Variants in OR8B8 observed in about 807,000 individuals in gnomAD.
The protein encoded by OR8B8 is olfactory receptor 8B8.
OR8B8 carries 8 observed loss-of-function variants against 10.5 expected under a neutral mutation model. That is an observed-to-expected ratio of 0.76 (90% CI 0.45 to 1.38). OR8B8 has a LOEUF of 1.38. Ranked by LOEUF, OR8B8 falls within the 40% of genes most tolerant of loss-of-function variation. The probability of loss-of-function intolerance (pLI) is 0.00; values close to 1 mark genes in which losing one functional copy is unlikely to be tolerated. For missense variants in OR8B8, 390 were observed against 380.5 expected (o/e 1.03, Z -0.21); for synonymous variants, 150 against 145.2 (o/e 1.03, Z -0.24).
At position 124,440,141 on chromosome 11, in the gene OR8B8, G is replaced by A. The variant is rs779302983; in HGVS notation, c.*9C>T. On this transcript the variant is annotated 3_prime_UTR_variant, in exon 3 of 3. Coordinates refer to ENST00000642064, the MANE Select transcript of OR8B8 (RefSeq NM_012378.2). ...AAACAGTGTTTCTTTCCTGAGCATTGCCCTTTTCTCAGGAGAATGCATTTT... is the reference window on the plus strand; with the variant it reads ...AAACAGTGTTTCTTTCCTGAGCATTACCCTTTTCTCAGGAGAATGCATTTT... 34 of 1,599,974 alleles carry A rather than the reference G, an allele frequency of 2.1e-5. No individual in the cohort carries two copies. Among genetic ancestry groups the A allele is most frequent in the Non-Finnish European group, 2.9e-5 (34 of 1,169,594 alleles).
rs1348230432 is a variant in OR8B8 at position 124,437,667 on chromosome 11, T to TGTGTGTGCGCGCGCGCGCGC, written c.*2482_*2483insGCGCGCGCGCGCGCACACAC. The TGTGTGTGCGCGCGCGCGCGC allele has an allele frequency of 9.0e-6, 1 of 110,516 alleles. No homozygotes were observed. Among genetic ancestry groups the TGTGTGTGCGCGCGCGCGCGC allele is most frequent in the African/African-American group, 4.7e-5 (1 of 21,450 alleles). The allele number at this position is 110,516 out of a possible 1,614,324, so 6.8% of individuals were successfully genotyped here. On this transcript the variant is annotated 3_prime_UTR_variant, in exon 3 of 3. Coordinates refer to ENST00000642064, the MANE Select transcript of OR8B8 (RefSeq NM_012378.2). ...GTGTGTGTGTGTGTGTGTGTGTGTG[T>TGTGTGTGCGCGCGCGCGCGC]GCGCGCGCGCGTGCGTGCGTGCTGG...
rs978616209 is a variant in OR8B8 at position 124,439,261 on chromosome 11, C to T, written c.*889G>A. The stretch of plus-strand genomic sequence containing the variant: ...GTTGTTGTTGTTGTTTAGATGGAGT[C>T]TTGCTCCATTGCCCAGGCTGGAGTG... On this transcript the variant is annotated 3_prime_UTR_variant, in exon 3 of 3. Coordinates refer to ENST00000642064, the MANE Select transcript of OR8B8 (RefSeq NM_012378.2). 1 of 152,382 alleles carries T rather than the reference C, an allele frequency of 6.6e-6. No individual in the cohort carries two copies. The highest frequency in any genetic ancestry group is 6.5e-5 in the Admixed American group (1 of 15,292). 9.4% of individuals were successfully genotyped at this position (152,382 alleles called of 1,614,324 possible). A position where few individuals can be genotyped will look rare whatever the true frequency, so the allele number is the denominator to read the frequency against.
In OR8B8 at chr11:124,441,046, G is replaced by A. The variant is rs751641312; in HGVS notation, c.40C>T (p.Leu14Phe). ...CCCGGTTGGTCAGTTAAGCCTGCGA[G>A]GATAAACTGTGTCACGAAGGAGGAA... is the stretch of plus-strand genomic sequence containing the variant. ...ENSSFVTQFILAGLTDQPGVQ... is the reference protein window; with the variant it reads ...ENSSFVTQFIFAGLTDQPGVQ... Residue 14 changes from leucine to phenylalanine, a missense_variant, in exon 3 of 3, where the codon CTC (leucine) becomes TTC (phenylalanine). Coordinates refer to ENST00000642064, the MANE Select transcript of OR8B8 (RefSeq NM_012378.2). 3.7e-6 allele frequency: 6 copies of A among 1,612,970 alleles called. No homozygotes were observed. In the South Asian group the frequency reaches 4.4e-5, roughly 12 times the overall value.
Position 124,440,955 on chromosome 11 carries a change from C to G in OR8B8, c.131G>C (p.Gly44Ala). 1.2e-6 allele frequency: 2 copies of G among 1,614,024 alleles called. No individual in the cohort carries two copies. Among genetic ancestry groups the G allele is most frequent in the Non-Finnish European group, 1.7e-6 (2 of 1,179,998 alleles). The change falls in exon 3 of 3, where the codon GGC becomes GCC. Residue 44 changes from glycine (G) to alanine (A), a missense_variant. Physicochemically the swap from Gly to Ala is moderately conservative, Grantham distance 60. Transcript: ENST00000642064. ...FYVVTVVGNL[G>A]LITLIRLNSH... Reference sequence around the variant, plus strand: ...GTTGAGCCTTATCAGGGTTATCAAGCCCAGGTTCCCCACCACAGTGACCAC... The same window carrying G: ...GTTGAGCCTTATCAGGGTTATCAAGGCCAGGTTCCCCACCACAGTGACCAC...
Position 124,441,066 on chromosome 11 carries a change from G to C in OR8B8, c.20C>G (p.Ser7Cys). 6.2e-7 allele frequency: 1 copy of C among 1,611,304 alleles called. No individual in the cohort carries two copies. The highest frequency in any genetic ancestry group is 1.3e-5 in the African/African-American group (1 of 75,018). Residue 7 changes from serine (S) to cysteine (C), a missense_variant, in exon 3 of 3, where the codon TCC becomes TGC. By Grantham distance (112) the Ser-to-Cys change is moderately radical. Transcript: ENST00000642064. Reference sequence around the variant, plus strand: ...TGCGAGGATAAACTGTGTCACGAAGGAGGAATTCTCAGCAGCCATTGTCAT... The same window carrying C: ...TGCGAGGATAAACTGTGTCACGAAGCAGGAATTCTCAGCAGCCATTGTCAT... MAAENS[S>C]FVTQFILAGL...
At position 124,437,692 on chromosome 11, in the gene OR8B8, G is replaced by A. The variant is rs938862989; in HGVS notation, c.*2458C>T. ...TGCGCGCGCGCGTGCGTGCGTGCTG[G>A]GATTACAGGCGTGAGCCACCGCACC... On this transcript the variant is annotated 3_prime_UTR_variant, in exon 3 of 3. Coordinates refer to ENST00000642064, the MANE Select transcript of OR8B8 (RefSeq NM_012378.2). 5.9e-5 allele frequency: 9 copies of A among 152,436 alleles called. No individual in the cohort carries two copies. Among genetic ancestry groups the A allele is most frequent in the Non-Finnish European group, 1.3e-4 (9 of 69,094 alleles). The allele number at this position is 152,436 out of a possible 1,614,324, so 9.4% of individuals were successfully genotyped here.
Position 124,440,008 on chromosome 11 carries a change from A to G in OR8B8, c.*142T>C, listed in dbSNP as rs1481420393. 6 of 651,444 alleles carry G rather than the reference A, an allele frequency of 9.2e-6. No individual in the cohort carries two copies. Among genetic ancestry groups the G allele is most frequent in the African/African-American group, 1.8e-5 (1 of 54,760 alleles). The allele number at this position is 651,444 out of a possible 1,614,324, so 40.4% of individuals were successfully genotyped here. Reference sequence around the variant, plus strand: ...TACTGTGTGAGTATTCAAAGCTCTTAAGAATGTTTGTAAATTAAAGAACCC... The same window carrying G: ...TACTGTGTGAGTATTCAAAGCTCTTGAGAATGTTTGTAAATTAAAGAACCC... On this transcript the variant is annotated 3_prime_UTR_variant, in exon 3 of 3. Coordinates refer to ENST00000642064, the MANE Select transcript of OR8B8 (RefSeq NM_012378.2).
chr11:124,444,257 C>T (rs1040782401), intron 1 of OR8B8, among the ~76,000 whole-genome samples: 3 of 152,212 alleles, frequency 2.0e-5, no homozygotes, highest in African/African-American at 4.8e-5. Context: ...TGGGAGGAAG[C>T]ATCCTCACCC....
intron 1 of OR8B8, among the ~76,000 whole-genome samples, chr11:124,441,947 G>A (rs975429330): frequency 2.6e-5 from 4 of 152,090 alleles, no homozygotes; most frequent in Non-Finnish European, 4.4e-5. Flanking sequence ...TATTTGAATG[G>A]GCTTTTAGAA....
rs1456485751 is a variant in OR8B8 at position 124,440,151 on chromosome 11, C to T, written c.935G>A (p.Ter312=). 8.7e-6 allele frequency: 14 copies of T among 1,609,468 alleles called. No individual in the cohort carries two copies. Among genetic ancestry groups the T allele is most frequent in the African/African-American group, 2.7e-5 (2 of 74,638 alleles). Residue 312 remains the stop codon, a stop_retained_variant, in exon 3 of 3, where the codon TGA becomes TAA. Transcript: ENST00000642064. ...TCTTTCCTGAGCATTGCCCTTTTCT[C>T]AGGAGAATGCATTTTTGTTCAAGAT... is the stretch of plus-strand genomic sequence containing the variant. The part of the protein sequence containing the change: ...KKILNKNAFS[*]
chr11:124,444,935 G>T (rs1452439401), intron 1 of OR8B8, among the ~76,000 whole-genome samples: 1 of 152,110 alleles, frequency 6.6e-6, no homozygotes, highest in Non-Finnish European at 1.5e-5. Flanking sequence ...AAACTTTAAG[G>T]CCTGTCTCTC....
Position 124,439,995 on chromosome 11 carries a change from A to T in OR8B8, c.*155T>A. On this transcript the variant is annotated 3_prime_UTR_variant, in exon 3 of 3. Coordinates refer to ENST00000642064, the MANE Select transcript of OR8B8 (RefSeq NM_012378.2). ...GATCCTCAAGACTTACTGTGTGAGT[A>T]TTCAAAGCTCTTAAGAATGTTTGTA... The T allele has an allele frequency of 1.6e-6, 1 of 626,332 alleles. No homozygotes were observed. The highest frequency in any genetic ancestry group is 2.8e-6 in the Non-Finnish European group (1 of 362,544). 38.8% of individuals were successfully genotyped at this position (626,332 alleles called of 1,614,324 possible).
chr11:124,440,605 C>T lies in OR8B8; in HGVS notation c.481G>A (p.Ala161Thr). 1 of 1,614,142 alleles carries T rather than the reference C, an allele frequency of 6.2e-7. No individual in the cohort carries two copies. Among genetic ancestry groups the T allele is most frequent in the Non-Finnish European group, 8.5e-7 (1 of 1,179,992 alleles). ...CAGAAGGTCACACCCATCATGCACG[C>T]TGTGTGGGCCATGGCCCCAGCAAAC... ...MGFAGAMAHT[A>T]CMMGVTFCAN... is the part of the protein sequence containing the mutation. The change falls in exon 3 of 3, where the codon GCG becomes ACG. Residue 161 changes from alanine (A) to threonine (T), a missense_variant. By Grantham distance (58) the Ala-to-Thr change is moderately conservative (BLOSUM62 0). Coordinates refer to ENST00000642064, the MANE Select transcript of OR8B8 (RefSeq NM_012378.2).
In OR8B8 at chr11:124,437,682, G is replaced by A. The variant is rs75250602; in HGVS notation, c.*2468C>T. ...TGTGTGTGTGTGCGCGCGCGCGTGCGTGCGTGCTGGGATTACAGGCGTGAG... is the reference window on the plus strand; with the variant it reads ...TGTGTGTGTGTGCGCGCGCGCGTGCATGCGTGCTGGGATTACAGGCGTGAG... On this transcript the variant is annotated 3_prime_UTR_variant, in exon 3 of 3. Transcript: ENST00000642064. 0.062 allele frequency: 9,569 copies of A among 153,764 alleles called. 749 individuals are homozygous for A. The highest frequency in any genetic ancestry group is 0.18 in the African/African-American group (7,590 of 41,098). The allele number at this position is 153,764 out of a possible 1,614,324, so 9.5% of individuals were successfully genotyped here. A position where few individuals can be genotyped will look rare whatever the true frequency, so the allele number is the denominator to read the frequency against.
Position 124,440,416 on chromosome 11 carries a change from T to C in OR8B8, c.670A>G (p.Ser224Gly). Residue 224 changes from serine (S) to glycine (G), a missense_variant, in exon 3 of 3, where the codon AGC becomes GGC. Transcript: ENST00000642064. ...IFISYALILS[S>G]IFHIDSTEGR... ...TCCGTGGAATCAATGTGGAAGATGCTGGAGAGAATGAGAGCATAGGAAATG... is the reference window on the plus strand; with the variant it reads ...TCCGTGGAATCAATGTGGAAGATGCCGGAGAGAATGAGAGCATAGGAAATG... 6.2e-7 allele frequency: 1 copy of C among 1,614,192 alleles called. No homozygotes were observed. The highest frequency in any genetic ancestry group is 8.5e-7 in the Non-Finnish European group (1 of 1,180,028).
chr11:124,440,162 A>T lies in OR8B8; in HGVS notation c.924T>A (p.Asn308Lys), dbSNP rs1861449341. The change falls in exon 3 of 3, where the codon AAT becomes AAA. Residue 308 changes from asparagine to lysine, a missense_variant. Transcript: ENST00000642064. The stretch of plus-strand genomic sequence containing the variant: ...CATTGCCCTTTTCTCAGGAGAATGC[A>T]TTTTTGTTCAAGATTTTCTTTAGAG... ...KVALKKILNK[N>K]AFS 3 of 1,612,142 alleles carry T rather than the reference A, an allele frequency of 1.9e-6. No individual in the cohort carries two copies. The highest frequency in any genetic ancestry group is 1.3e-5 in the African/African-American group (1 of 74,882).
intron 1 of OR8B8, among the ~76,000 whole-genome samples, chr11:124,443,876 AT>A (rs765606498): frequency 3.3e-5 from 5 of 152,210 alleles, no homozygotes; most frequent in Admixed American, 6.5e-5. Context: ...AAAGTGGTAC[AT>A]CTGAGAATCC....
At chr11:124,442,400 G>A (rs1159687503) in intron 1 of OR8B8, among the ~76,000 whole-genome samples, 3 of 152,158 alleles carry the variant, frequency 2.0e-5, no homozygotes, top group Non-Finnish European at 4.4e-5. Flanking sequence ...ATAAGATCCA[G>A]AAAAGGCAAA....
intron 1 of OR8B8, among the ~76,000 whole-genome samples, chr11:124,444,537 T>A (rs1861507912): frequency 6.6e-6 from 1 of 152,232 alleles, no homozygotes; most frequent in African/African-American, 2.4e-5. Context: ...TGAACTATAA[T>A]GATGCTAGCA....
Sources: gnomAD v4.1 joint callset for allele counts (sites outside exome capture counted in the v4.1 genomes callset) on GRCh38, gnomAD v4.1.1 for gene constraint, MANE v1.5 for transcripts, NCBI Gene and HGNC (gene_info 2026-07-23, HGNC 2026-07-21) for gene names.